Variants in GXYLT2 observed in about 807,000 individuals in gnomAD.
GXYLT2 encodes glycosyltransferase 8 domain containing 4.
A neutral mutation model predicts 45.8 loss-of-function variants in GXYLT2; 53 were observed. The observed-to-expected ratio is 1.16, with a 90% CI of 0.93 to 1.46. The LOEUF (loss-of-function observed/expected upper bound fraction) is 1.46, where lower values mean the gene tolerates loss of function less well. Ranked by LOEUF, GXYLT2 falls within the 40% of genes most tolerant of loss-of-function variation. GXYLT2 has a pLI of 0.00. For synonymous variants in GXYLT2, 219 were observed against 214.2 expected (o/e 1.02, Z -0.19); for missense variants, 551 against 544.4 (o/e 1.01, Z -0.12).
intron 3 of GXYLT2, among the ~76,000 whole-genome samples, chr3:72,940,813 C>G (rs1710283232): frequency 6.6e-6 from 1 of 152,114 alleles, no homozygotes; most frequent in South Asian, 2.1e-4. Flanking sequence ...TCCTGAGTAG[C>G]TGGAATTACC....
At chr3:72,924,133 A>T (rs141636938) in intron 3 of GXYLT2, among the ~76,000 whole-genome samples, 1 of 151,992 alleles carries the variant, frequency 6.6e-6, no homozygotes, top group Non-Finnish European at 1.5e-5. Context: ...GAATGAAGCA[A>T]TCAGCAGAGA....
intron 3 of GXYLT2, among the ~76,000 whole-genome samples, chr3:72,923,896 A>C (rs2221315): frequency 0.018 from 2,770 of 152,092 alleles, 69 homozygotes; most frequent in African/African-American, 0.063. Context: ...CTCCCAAAGT[A>C]GTAGGATTAC....
intron 5 of GXYLT2, among the ~76,000 whole-genome samples, chr3:72,960,719 G>A (rs1230065517): frequency 6.7e-6 from 1 of 148,382 alleles, no homozygotes; most frequent in African/African-American, 2.5e-5. Flanking sequence ...CTGAGATCCA[G>A]CAATATCTAT....
chr3:72,971,278 T>C (rs1198268177), intron 6 of GXYLT2, among the ~76,000 whole-genome samples: 1 of 152,190 alleles, frequency 6.6e-6, no homozygotes, highest in African/African-American at 2.4e-5. Flanking sequence ...ATGATTTTCC[T>C]CAGTTGGGCC....
intron 3 of GXYLT2, among the ~76,000 whole-genome samples, chr3:72,951,487 C>A: frequency 6.6e-6 from 1 of 152,138 alleles, no homozygotes; most frequent in Non-Finnish European, 1.5e-5. Flanking sequence ...CTGAGTACTT[C>A]GTGGGTTTCA....
At chr3:72,948,203 C>T (rs915857801) in intron 3 of GXYLT2, among the ~76,000 whole-genome samples, 10 of 152,262 alleles carry the variant, frequency 6.6e-5, no homozygotes, top group Admixed American at 4.6e-4. Context: ...CCATGGAGCT[C>T]GTGAAAACCA....
At chr3:72,894,676 G>T (rs556588341) in intron 1 of GXYLT2, among the ~76,000 whole-genome samples, 3 of 152,192 alleles carry the variant, frequency 2.0e-5, no homozygotes, top group Admixed American at 2.0e-4. Context: ...CTGAGCCCTC[G>T]TCCTGCCCCG....
chr3:72,972,444 C>T lies in GXYLT2; in HGVS notation c.1150-2533C>T, dbSNP rs919466070. Among the ~76,000 whole-genome samples, 11 of 151,920 alleles carry T rather than the reference C, an allele frequency of 7.2e-5. No individual in the cohort carries two copies. The South Asian group carries it at 2.3e-3, about 32-fold the overall frequency. On this transcript the variant is annotated intron_variant, in intron 6 of 6. Transcript: ENST00000389617. Reference sequence around the variant, plus strand: ...TCACCTGAGGTCATGAGTTCGAGACCAGCCTGGCCAACATGGTGAAACCCC... The same window carrying T: ...TCACCTGAGGTCATGAGTTCGAGACTAGCCTGGCCAACATGGTGAAACCCC...
intron 5 of GXYLT2, among the ~76,000 whole-genome samples, chr3:72,966,233 C>T (rs1429958289): frequency 1.3e-5 from 2 of 151,576 alleles, no homozygotes; most frequent in Non-Finnish European, 2.9e-5. Context: ...CCAACCTCAG[C>T]CTTCCAAAGT....
chr3:72,955,394 G>A (rs746485856), intron 4 of GXYLT2, 45 bp downstream of exon 4: 5 of 1,597,462 alleles, frequency 3.1e-6, no homozygotes, highest in Admixed American at 1.7e-5. Flanking sequence ...CTGGGAGTTG[G>A]TCTTGTCAAC....
At chr3:72,933,233 A>AACTAACCATAACCATAACCATG (rs1267692802) in intron 3 of GXYLT2, among the ~76,000 whole-genome samples, 2 of 152,206 alleles carry the variant, frequency 1.3e-5, no homozygotes, top group East Asian at 3.8e-4. Flanking sequence ...CAGTCGGCCA[A>AACTAACCATAACCATAACCATG]GCCATAACTA....
chr3:72,888,981 G>A (rs13068268), intron 1 of GXYLT2, among the ~76,000 whole-genome samples: 45,935 of 151,934 alleles, frequency 0.3, 7,350 homozygotes, highest in Non-Finnish European at 0.34. Flanking sequence ...AGAACAGAAG[G>A]GACACTTGAC....
chr3:72,947,811 A>G (rs1245950067), intron 3 of GXYLT2, among the ~76,000 whole-genome samples: 1 of 152,168 alleles, frequency 6.6e-6, no homozygotes, highest in Non-Finnish European at 1.5e-5. Context: ...TCTAAAAAAA[A>G]AGAAAGAAAT....
rs530601297 is a variant in GXYLT2, at chr3:72,938,106, T to TA, written c.600+15778dup. ...GATCCTCTCTACAAAAATTTAATTTTAAAAAAAGAAAAAAATGTAAAAGGT... is the reference window on the plus strand; with the variant it reads ...GATCCTCTCTACAAAAATTTAATTTTAAAAAAAAGAAAAAAATGTAAAAGGT... On this transcript the variant is annotated intron_variant, in intron 3 of 6. Transcript: ENST00000389617. Among the ~76,000 whole-genome samples, 93 of 152,034 alleles carry TA rather than the reference T, an allele frequency of 6.1e-4. 1 individual carries two copies. Among genetic ancestry groups the TA allele is most frequent in the African/African-American group, 2.2e-3 (90 of 41,468 alleles).
intron 3 of GXYLT2, among the ~76,000 whole-genome samples, chr3:72,939,193 T>TTA (rs1710249226): frequency 6.6e-6 from 1 of 152,222 alleles, no homozygotes; most frequent in Admixed American, 6.5e-5. Context: ...GAATGCATAT[T>TTA]TATTTTATTA....
Position 72,889,896 on chromosome 3 carries a change from G to GTTTTTT in GXYLT2, c.275+1393_275+1398dup, listed in dbSNP as rs369830925. Among the ~76,000 whole-genome samples the GTTTTTT allele has an allele frequency of 1.2e-4, 16 of 135,536 alleles. 1 individual carries two copies. Among genetic ancestry groups the GTTTTTT allele is most frequent in the African/African-American group, 4.0e-4 (14 of 34,948 alleles). 88.9% of individuals were successfully genotyped at this position (135,536 alleles called of 152,430 possible). A position where few individuals can be genotyped will look rare whatever the true frequency, so the allele number is the denominator to read the frequency against. ...CCCCCCCACCGCTGTTTTTCTTTTG[G>GTTTTTT]TTTTTTTTTTGTTTTTTTTTTTTTT... On this transcript the variant is annotated intron_variant, in intron 1 of 6. Coordinates refer to ENST00000389617, the MANE Select transcript of GXYLT2 (RefSeq NM_001080393.2).
intron 5 of GXYLT2, among the ~76,000 whole-genome samples, chr3:72,964,543 G>A (rs1188539564): frequency 6.6e-6 from 1 of 151,634 alleles, no homozygotes; most frequent in Non-Finnish European, 1.5e-5. Flanking sequence ...GGCTGGTCTC[G>A]AACTCCTGAC....
At chr3:72,944,905 C>T (rs192788810) in intron 3 of GXYLT2, among the ~76,000 whole-genome samples, 147 of 152,198 alleles carry the variant, frequency 9.7e-4, no homozygotes, top group African/African-American at 2.8e-3. Flanking sequence ...TAGAGGGTGA[C>T]GTCCCAGACA....
At chr3:72,904,574 C>A (rs1201040135) in intron 1 of GXYLT2, among the ~76,000 whole-genome samples, 1 of 151,568 alleles carries the variant, frequency 6.6e-6, no homozygotes, top group Admixed American at 6.6e-5. Flanking sequence ...AGACCCAAAT[C>A]ACTGAAGCCT....
Sources: allele counts gnomAD v4.1 joint callset (sites outside exome capture counted in the v4.1 genomes callset), GRCh38; gene constraint gnomAD v4.1.1; transcripts MANE v1.5; gene names NCBI Gene and HGNC (gene_info 2026-07-23, HGNC 2026-07-21).